The following TENM3 variants were observed in gnomAD, a reference collection of about 807,000 sequenced individuals.
TENM3 encodes teneurin transmembrane protein 3, also known as teneurin-3.
Under a neutral mutation model 255.1 loss-of-function variants are expected in TENM3, and 63 were observed. The ratio of observed to expected loss-of-function variants is 0.25; its 90% CI spans 0.20 to 0.30. The LOEUF (loss-of-function observed/expected upper bound fraction) is 0.30. Ranked by LOEUF, TENM3 falls within the 10% of genes least tolerant of loss-of-function variation. The pLI is 1.00. For synonymous variants in TENM3, 1,306 were observed against 1,322.3 expected, an observed-to-expected ratio of 0.99 and a Z score of 0.27; for missense variants, 2,929 against 3,461.1, an observed-to-expected ratio of 0.85 and a Z score of 3.86.
intron 3 of TENM3, among the ~76,000 whole-genome samples, chr4:182,405,931 C>T (rs1769538604): frequency 6.6e-6 from 1 of 152,134 alleles, no homozygotes; most frequent in Non-Finnish European, 1.5e-5. Context: ...AAAGATGAGC[C>T]ATCACTGGAG....
At chr4:182,489,492 T>C (rs1735072017) in intron 3 of TENM3, among the ~76,000 whole-genome samples, 1 of 152,032 alleles carries the variant, frequency 6.6e-6, no homozygotes, top group Non-Finnish European at 1.5e-5. Flanking sequence ...AGGACGGGGG[T>C]AAACATGCCA....
chr4:181,613,869 C>T, the TENM3 span, among the ~76,000 whole-genome samples: 5 of 152,290 alleles, frequency 3.3e-5, no homozygotes, highest in African/African-American at 1.2e-4. Context: ...GCAAAAGCCA[C>T]ACACGTGACC....
chr4:182,658,343 C>T (rs1281373313), intron 6 of TENM3, among the ~76,000 whole-genome samples: 1 of 152,166 alleles, frequency 6.6e-6, no homozygotes, highest in Non-Finnish European at 1.5e-5. Context: ...ACTGCTGTTT[C>T]TCAGGACTCT....
chr4:181,623,206 G>C, the TENM3 span, among the ~76,000 whole-genome samples: 3 of 152,156 alleles, frequency 2.0e-5, no homozygotes, highest in African/African-American at 7.2e-5. Context: ...CAAGCCGTGC[G>C]ACATTAGATA....
the TENM3 span, among the ~76,000 whole-genome samples, chr4:181,917,695 T>C: frequency 5.4e-3 from 811 of 148,830 alleles, 7 homozygotes; most frequent in African/African-American, 0.018. Context: ...AGGGTCTTGC[T>C]CTGTGGCCCA....
intron 3 of TENM3, among the ~76,000 whole-genome samples, chr4:182,418,356 T>C (rs957964739): frequency 6.6e-6 from 1 of 152,200 alleles, no homozygotes; most frequent in African/African-American, 2.4e-5. Flanking sequence ...GCATCGTTTA[T>C]TTAACCACGG....
intron 3 of TENM3, among the ~76,000 whole-genome samples, chr4:182,567,372 A>T (rs542726251): frequency 4.8e-4 from 73 of 152,204 alleles, no homozygotes; most frequent in Non-Finnish European, 1.0e-3. Flanking sequence ...TCCCATGCCC[A>T]CCACGTCTGT....
the TENM3 span, among the ~76,000 whole-genome samples, chr4:181,890,064 T>A: frequency 6.6e-6 from 1 of 152,156 alleles, no homozygotes; most frequent in Admixed American, 6.5e-5. Context: ...GCCACCCCCT[T>A]TATTTGTTTA....
At chr4:182,479,903 A>G (rs1373712757) in intron 3 of TENM3, among the ~76,000 whole-genome samples, 1 of 151,974 alleles carries the variant, frequency 6.6e-6, no homozygotes, top group Non-Finnish European at 1.5e-5. Context: ...AAATAAACGG[A>G]TGGAATTATA....
At chr4:181,553,004 C>A in the TENM3 span, among the ~76,000 whole-genome samples, 1 of 152,164 alleles carries the variant, frequency 6.6e-6, no homozygotes, top group Non-Finnish European at 1.5e-5. Flanking sequence ...CCCTTCTAGG[C>A]CCTTCCTGAT....
At chr4:181,955,746 T>C in the TENM3 span, among the ~76,000 whole-genome samples, 9 of 152,096 alleles carry the variant, frequency 5.9e-5, no homozygotes, top group Admixed American at 5.2e-4. Context: ...GTAGAAAGAG[T>C]GCTTTAAGAA....
At chr4:182,052,112 A>G in the TENM3 span, among the ~76,000 whole-genome samples, 2 of 152,102 alleles carry the variant, frequency 1.3e-5, no homozygotes, top group Non-Finnish European at 2.9e-5. Context: ...ATCTAACCCC[A>G]AATGTCAGTG....
intron 3 of TENM3, among the ~76,000 whole-genome samples, chr4:182,473,249 C>T (rs1263620960): frequency 6.6e-6 from 1 of 152,122 alleles, no homozygotes; most frequent in Admixed American, 6.6e-5. Flanking sequence ...GCTTCAAGGT[C>T]CTAAGAGATA....
chr4:181,610,748 C>T, the TENM3 span, among the ~76,000 whole-genome samples: 43 of 152,012 alleles, frequency 2.8e-4, no homozygotes, highest in Admixed American at 8.5e-4. Context: ...TTTAATAACA[C>T]GGTAGGTACT....
Position 182,482,516 on chromosome 4 carries a change from A to G in TENM3, c.512-118408A>G, listed in dbSNP as rs145351991. Among the ~76,000 whole-genome samples, 268 of 152,294 alleles carry G rather than the reference A, an allele frequency of 1.8e-3. 2 individuals carry two copies. Among genetic ancestry groups the G allele is most frequent in the African/African-American group, 5.2e-3 (217 of 41,574 alleles). On this transcript the variant is annotated intron_variant, in intron 3 of 27. Transcript: ENST00000511685. Reference sequence around the variant, plus strand: ...TTGTGGAATATATCAATATGATTAAATTTTGGCATTGCAGAACAGAATCTT... The same window carrying G: ...TTGTGGAATATATCAATATGATTAAGTTTTGGCATTGCAGAACAGAATCTT...
intron 16 of TENM3, among the ~76,000 whole-genome samples, chr4:182,731,851 G>A (rs62337107): frequency 0.091 from 13,720 of 149,992 alleles, 739 homozygotes; most frequent in Middle Eastern, 0.12. Flanking sequence ...GCACGATCTC[G>A]GCTCACTGCA....
rs116561453 is a variant in TENM3, at chr4:182,356,672, G to A, written c.511+9743G>A. On this transcript the variant is annotated intron_variant, in intron 3 of 27. Coordinates refer to ENST00000511685, the MANE Select transcript of TENM3 (RefSeq NM_001080477.4). ...TTGGAGTATGAATGTGGGTAACTGC[G>A]AGTCCCTGAAAACTTTTTTTTTAAA... Among the ~76,000 whole-genome samples the A allele has an allele frequency of 5.1e-3, 768 of 151,852 alleles. 5 individuals are homozygous for A. The highest frequency in any genetic ancestry group is 6.6e-3 in the Non-Finnish European group (446 of 67,908).
the TENM3 span, among the ~76,000 whole-genome samples, chr4:181,949,103 C>T: frequency 0.022 from 3,383 of 152,184 alleles, 129 homozygotes; most frequent in African/African-American, 0.077. Flanking sequence ...AGAAATCATT[C>T]CTGCCTCCAA....
chr4:182,100,863 A>ACAC, the TENM3 span, among the ~76,000 whole-genome samples: 1 of 480 alleles, frequency 2.1e-3, no homozygotes, highest in East Asian at 0.1. Flanking sequence ...ATATACTCAT[A>ACAC]TATATATATA....
Sources: allele counts gnomAD v4.1 joint callset (sites outside exome capture counted in the v4.1 genomes callset), GRCh38; gene constraint gnomAD v4.1.1; transcripts MANE v1.5; gene names NCBI Gene and HGNC (gene_info 2026-07-23, HGNC 2026-07-21).